TMIGD3: variants seen among roughly 807,000 people sequenced by gnomAD.
The protein encoded by TMIGD3 is AD026 protein (AD026).
In TMIGD3, 21 loss-of-function variants were observed where a neutral mutation model predicts 28.1. That is an observed-to-expected ratio of 0.75 (90% CI 0.53 to 1.08). The LOEUF is 1.08. Ranked by LOEUF, TMIGD3 falls within the 50% of genes least tolerant of loss-of-function variation. TMIGD3 has a pLI of 0.00. For synonymous variants in TMIGD3, 151 were observed against 162.1 expected (o/e 0.93, Z 0.52); for missense variants, 416 against 435.6 (o/e 0.96, Z 0.40).
chr1:111,547,714 G>T (rs1262164922), intron 1 of TMIGD3, among the ~76,000 whole-genome samples: 1 of 152,174 alleles, frequency 6.6e-6, no homozygotes, highest in East Asian at 1.9e-4. Context: ...AATCAGGACT[G>T]TAAGATGGAT....
upstream of TMIGD3, among the ~76,000 whole-genome samples, chr1:111,507,025 GTGTGTGTGTGTGTGTATATATATATA>G (rs1265175870): frequency 2.8e-5 from 1 of 35,484 alleles, no homozygotes; most frequent in African/African-American, 6.0e-5. Flanking sequence ...GTGTGTGTGT[GTGTGTGTGTGTGTGTATATATATATA>G]TATATATATG....
At chr1:111,489,433 C>T (rs1268598721) in intron 2 of TMIGD3, 8 of 483,168 alleles carry the variant, frequency 1.7e-5, no homozygotes, top group African/African-American at 4.3e-5. Flanking sequence ...CAGAATGAAA[C>T]CAAACTTGCC....
intron 1 of TMIGD3, among the ~76,000 whole-genome samples, chr1:111,498,414 T>C (rs906756724): frequency 6.6e-6 from 1 of 152,240 alleles, no homozygotes; most frequent in African/African-American, 2.4e-5. Context: ...CTCTATCCTG[T>C]CTAGTATCCT....
At chr1:111,500,206 A>G (rs1021964742) in intron 1 of TMIGD3, 5 of 1,614,102 alleles carry the variant, frequency 3.1e-6, no homozygotes, top group Non-Finnish European at 1.7e-6. Flanking sequence ...GAAAAGAACC[A>G]GAAACAAGGA....
intron 1 of TMIGD3, among the ~76,000 whole-genome samples, chr1:111,520,964 G>A (rs912039933): frequency 1.3e-5 from 2 of 152,292 alleles, no homozygotes; most frequent in African/African-American, 2.4e-5. Context: ...AAATATGGCC[G>A]TCGCTCCCAA....
intron 1 of TMIGD3, chr1:111,563,832 C>T (rs1373566688): frequency 6.2e-7 from 1 of 1,606,430 alleles, no homozygotes; most frequent in Non-Finnish European, 8.5e-7. Context: ...GCTATATTTT[C>T]TGCTATGACT....
chr1:111,551,029 G>T (rs568133826), intron 1 of TMIGD3, among the ~76,000 whole-genome samples: 1 of 152,090 alleles, frequency 6.6e-6, no homozygotes, highest in East Asian at 1.9e-4. Context: ...TGACACATTT[G>T]TCTGGTTTTA....
intron 1 of TMIGD3, among the ~76,000 whole-genome samples, chr1:111,556,913 A>ATT (rs202111917): frequency 0.082 from 12,103 of 148,388 alleles, 1,136 homozygotes; most frequent in African/African-American, 0.24. Context: ...ATATATATGT[A>ATT]TGTACATATA....
At chr1:111,509,219 C>T (rs547316280) in intron 1 of TMIGD3, among the ~76,000 whole-genome samples, 1 of 152,304 alleles carries the variant, frequency 6.6e-6, no homozygotes, top group Non-Finnish European at 1.5e-5. Context: ...AATTTTTAGC[C>T]ACCTACGTCA....
intron 1 of TMIGD3, among the ~76,000 whole-genome samples, chr1:111,529,979 G>T (rs1294874765): frequency 9.5e-6 from 1 of 104,842 alleles, no homozygotes; most frequent in Non-Finnish European, 2.0e-5. Context: ...CCCGGATGGG[G>T]CGGCTGGCCG....
At chr1:111,487,223 C>T (rs1195965599) in intron 3 of TMIGD3, among the ~76,000 whole-genome samples, 2 of 152,204 alleles carry the variant, frequency 1.3e-5, no homozygotes, top group Admixed American at 6.5e-5. Context: ...GTTCTCTTGT[C>T]TGAGCCTAAG....
intron 1 of TMIGD3, among the ~76,000 whole-genome samples, chr1:111,519,124 A>T (rs751638159): frequency 4.6e-5 from 7 of 152,092 alleles, no homozygotes; most frequent in Non-Finnish European, 1.0e-4. Flanking sequence ...TTTTTAGTAG[A>T]GACGAGGTTT....
chr1:111,563,539 T>C (rs141183244), intron 1 of TMIGD3, among the ~76,000 whole-genome samples: 1 of 152,326 alleles, frequency 6.6e-6, no homozygotes, highest in East Asian at 1.9e-4. Context: ...CCCTGAGTTA[T>C]ATACAATAAA....
chr1:111,519,128 G>A (rs1388239987), intron 1 of TMIGD3, among the ~76,000 whole-genome samples: 8 of 152,184 alleles, frequency 5.3e-5, no homozygotes, highest in African/African-American at 1.7e-4. Flanking sequence ...TAGTAGAGAC[G>A]AGGTTTCACC....
At chr1:111,561,967 C>T (rs1176603198) in intron 1 of TMIGD3, among the ~76,000 whole-genome samples, 1 of 152,130 alleles carries the variant, frequency 6.6e-6, no homozygotes, top group Non-Finnish European at 1.5e-5. Context: ...ACCAGGTCAT[C>T]CCTAGTTTAA....
In TMIGD3 at chr1:111,503,029, T is replaced by C. The variant is rs1168859359; in HGVS notation, c.326A>G (p.Tyr109Cys). Residue 109 changes from tyrosine to cysteine, a missense_variant, in exon 1 of 6, where the codon TAC becomes TGC. Transcript: ENST00000369716. ...CCTGACGGTAAGCTTGACCCGCAAG[T>C]ATCGGTCCACAGCGATGGCCAGCAA... ...MSLLAIAVDR[Y>C]LRVKLTVRFR... 6.2e-7 allele frequency: 1 copy of C among 1,614,070 alleles called. No homozygotes were observed. Among genetic ancestry groups the C allele is most frequent in the East Asian group, 2.2e-5 (1 of 44,900 alleles).
intron 1 of TMIGD3, among the ~76,000 whole-genome samples, chr1:111,557,936 T>G (rs1657569492): frequency 6.6e-6 from 1 of 151,906 alleles, no homozygotes; most frequent in Admixed American, 6.6e-5. Flanking sequence ...ATTAAGAAAA[T>G]TATGCATGTT....
intron 1 of TMIGD3, among the ~76,000 whole-genome samples, chr1:111,556,439 T>C (rs1297823384): frequency 1.3e-5 from 2 of 152,306 alleles, no homozygotes; most frequent in East Asian, 3.9e-4. Context: ...CTTGAACAGA[T>C]ATTTGTACAC....
At chr1:111,502,397 C>T (rs1481218657) in intron 1 of TMIGD3, among the ~76,000 whole-genome samples, 2 of 125,666 alleles carry the variant, frequency 1.6e-5, no homozygotes, top group African/African-American at 2.9e-5. Context: ...ATATAGGATA[C>T]ATATATTTAT....
Sources: gnomAD v4.1 joint callset for allele counts (sites outside exome capture counted in the v4.1 genomes callset) on GRCh38, gnomAD v4.1.1 for gene constraint, MANE v1.5 for transcripts, NCBI Gene and HGNC (gene_info 2026-07-23, HGNC 2026-07-21) for gene names.